Variants in VPS54 observed in about 807,000 individuals in gnomAD.
VPS54 encodes vacuolar protein sorting-associated protein 54.
Under a neutral mutation model 121.5 loss-of-function variants are expected in VPS54, and 45 were observed. That is an observed-to-expected ratio of 0.37 (90% CI 0.29 to 0.47). The LOEUF (loss-of-function observed/expected upper bound fraction) is 0.47, where lower values mean the gene tolerates loss of function less well. Ranked by LOEUF, VPS54 falls within the 20% of genes least tolerant of loss-of-function variation. The probability of loss-of-function intolerance (pLI) is 0.99; values close to 1 mark genes in which losing one functional copy is unlikely to be tolerated. For missense variants in VPS54, 1,090 were observed against 1,131.4 expected, an observed-to-expected ratio of 0.96 and a Z score of 0.52; for synonymous variants, 371 against 385.8, an observed-to-expected ratio of 0.96 and a Z score of 0.45.
intron 1 of VPS54, among the ~76,000 whole-genome samples, chr2:64,011,152 G>A (rs1678409779): frequency 6.6e-6 from 1 of 152,078 alleles, no homozygotes. Flanking sequence ...TCTTTATCAG[G>A]AAGAAAAATC....
Position 63,983,983 on chromosome 2 carries a change from C to A in VPS54, c.17G>T (p.Ser6Ile), listed in dbSNP as rs776968097. 1.9e-6 allele frequency: 3 copies of A among 1,611,492 alleles called. No homozygotes were observed. The highest frequency in any genetic ancestry group is 1.7e-6 in the Non-Finnish European group (2 of 1,178,636). Residue 6 changes from serine (S) to isoleucine (I), a missense_variant, in exon 2 of 23, where the codon AGT becomes ATT. Around this residue, in one of 2 missense-constraint regions of VPS54, gnomAD observed 801 missense variants for 757.0 expected, o/e 1.06. Transcript: ENST00000272322. MASSHSSSPVPQGSSS... is the reference protein window; with the variant it reads MASSHISSPVPQGSSS... ...GCTTCCTTGAGGCACTGGTGAAGAA[C>A]TGTGGCTTGAAGCCATTGCATAAAA...
At chr2:63,902,524 G>A (rs1202286446) in intron 20 of VPS54, among the ~76,000 whole-genome samples, 1 of 151,930 alleles carries the variant, frequency 6.6e-6, no homozygotes, top group East Asian at 1.9e-4. Flanking sequence ...AGTCTCTACT[G>A]TTCTTCTACA....
chr2:63,970,546 T>C (rs1676235599), intron 4 of VPS54, among the ~76,000 whole-genome samples: 2 of 152,124 alleles, frequency 1.3e-5, no homozygotes, highest in African/African-American at 4.8e-5. Flanking sequence ...TTGAGGTTTC[T>C]GGAACTGCCA....
chr2:63,976,358 AAAAAAAC>A (rs1294612907), intron 3 of VPS54, among the ~76,000 whole-genome samples: 3 of 151,588 alleles, frequency 2.0e-5, no homozygotes, highest in Non-Finnish European at 2.9e-5. Flanking sequence ...CTCAAAAAAA[AAAAAAAC>A]AAAAAACAAA....
At position 63,965,899 on chromosome 2, in the gene VPS54, T is replaced by C. The variant is rs1418441486; in HGVS notation, c.560A>G (p.His187Arg). ...TCCTTTTCCACCAGCAGTATTAAAA[T>C]GAGACCATGGTAAAACTGAATTAAA... The part of the protein sequence containing the change: ...LTFNSVLPWS[H>R]FNTAGGKGNR... Residue 187 changes from histidine (H) to arginine (R), a missense_variant, in exon 6 of 23, where the codon CAT becomes CGT. This residue lies in a region of VPS54 where 801 missense variants were observed against 757.0 expected (regional missense o/e 1.06). Transcript: ENST00000272322. 6.2e-7 allele frequency: 1 copy of C among 1,613,150 alleles called. No individual in the cohort carries two copies.
Position 63,986,883 on chromosome 2 carries a change from T to C in VPS54, c.-20-2864A>G, listed in dbSNP as rs114849147. On this transcript the variant is annotated intron_variant, in intron 1 of 22. Transcript: ENST00000272322. ...TGCATGTTTTCTCTTGAGTAATATCTATTCAGATATTTTGCCCATCTTTTA... is the reference window on the plus strand; with the variant it reads ...TGCATGTTTTCTCTTGAGTAATATCCATTCAGATATTTTGCCCATCTTTTA... Among the ~76,000 whole-genome samples the C allele has an allele frequency of 1.7e-3, 253 of 152,362 alleles. 2 individuals are homozygous for C. The highest frequency in any genetic ancestry group is 5.8e-3 in the African/African-American group (243 of 41,586).
intron 5 of VPS54, 79 bp downstream of exon 5, chr2:63,968,878 G>C (rs79643554): frequency 2.8e-6 from 3 of 1,085,094 alleles, no homozygotes; most frequent in Non-Finnish European, 2.6e-6. Flanking sequence ...AAAAAAAAAA[G>C]CCAAATGAAA....
chr2:63,949,654 G>C (rs959067293), intron 7 of VPS54, among the ~76,000 whole-genome samples: 1 of 139,634 alleles, frequency 7.2e-6, no homozygotes, highest in Non-Finnish European at 1.6e-5. Flanking sequence ...TCTTCACATT[G>C]AGTAGGCTGA....
intron 6 of VPS54, among the ~76,000 whole-genome samples, chr2:63,965,457 C>T (rs1313887617): frequency 6.6e-6 from 1 of 152,154 alleles, no homozygotes; most frequent in African/African-American, 2.4e-5. Flanking sequence ...GCCTGGGCAA[C>T]AGAGCGAGAC....
At chr2:63,946,286 G>T (rs993751663) in intron 9 of VPS54, among the ~76,000 whole-genome samples, 1 of 151,962 alleles carries the variant, frequency 6.6e-6, no homozygotes, top group Non-Finnish European at 1.5e-5. Flanking sequence ...CTTTCTACTG[G>T]TGATGGAATT....
chr2:63,987,412 T>C (rs1341768669), intron 1 of VPS54, among the ~76,000 whole-genome samples: 2 of 152,240 alleles, frequency 1.3e-5, no homozygotes, highest in African/African-American at 2.4e-5. Context: ...CTGTTCTATG[T>C]GTCTGGTTAT....
intron 1 of VPS54, among the ~76,000 whole-genome samples, chr2:63,990,093 C>A (rs1677242925): frequency 6.6e-6 from 1 of 152,158 alleles, no homozygotes; most frequent in South Asian, 2.1e-4. Flanking sequence ...ATACCAATCC[C>A]GTGACCCCCT....
At chr2:63,961,058 A>G (rs560087670) in intron 7 of VPS54, among the ~76,000 whole-genome samples, 3 of 152,298 alleles carry the variant, frequency 2.0e-5, no homozygotes, top group South Asian at 4.1e-4. Flanking sequence ...ATATTACACT[A>G]TATCATAACT....
intron 7 of VPS54, among the ~76,000 whole-genome samples, chr2:63,949,776 G>A (rs1420127443): frequency 6.6e-6 from 1 of 152,126 alleles, no homozygotes; most frequent in African/African-American, 2.4e-5. Context: ...GAAATGCACT[G>A]TAATTTCTGA....
chr2:63,983,838 A>C (rs376916495), intron 2 of VPS54, 26 bp downstream of exon 2: 46 of 1,575,042 alleles, frequency 2.9e-5, no homozygotes, highest in Admixed American at 7.7e-5. Context: ...CATCAGTAAA[A>C]ATCCTACAAA....
chr2:63,904,365 G>T (rs1672814668), intron 20 of VPS54, among the ~76,000 whole-genome samples: 1 of 147,718 alleles, frequency 6.8e-6, no homozygotes, highest in East Asian at 2.0e-4. Flanking sequence ...CTTGAACCTG[G>T]GAGGCATAGG....
Position 63,892,566 on chromosome 2 carries a change from A to G in VPS54, c.*864T>C, listed in dbSNP as rs1451469319. On this transcript the variant is annotated 3_prime_UTR_variant, in exon 23 of 23. Coordinates refer to ENST00000272322, the MANE Select transcript of VPS54 (RefSeq NM_016516.3). ...ATGTTATCTAAATGTTAATATGAGA[A>G]CTCAAAAGTAGGCAGATTATATGAA... The G allele has an allele frequency of 6.6e-6, 1 of 152,602 alleles. No homozygotes were observed. Among genetic ancestry groups the G allele is most frequent in the Non-Finnish European group, 1.5e-5 (1 of 68,022 alleles). 9.5% of individuals were successfully genotyped at this position (152,602 alleles called of 1,614,324 possible).
chr2:63,942,685 C>G (rs556485969), intron 10 of VPS54, 124 bp from the exon 11 acceptor site: 1 of 754,028 alleles, frequency 1.3e-6, no homozygotes, highest in African/African-American at 1.9e-5. Context: ...ATCTAGATAC[C>G]TAACTAAAAT....
intron 1 of VPS54, among the ~76,000 whole-genome samples, chr2:63,991,265 A>G (rs544217441): frequency 6.6e-6 from 1 of 152,330 alleles, no homozygotes; most frequent in Non-Finnish European, 1.5e-5. Flanking sequence ...AAATTACAAG[A>G]TGCCATTGAA....
Sources: allele counts gnomAD v4.1 joint callset (sites outside exome capture counted in the v4.1 genomes callset), GRCh38; gene constraint gnomAD v4.1.1; regional missense constraint gnomAD v4.1.1; transcripts MANE v1.5; gene names NCBI Gene and HGNC (gene_info 2026-07-23, HGNC 2026-07-21).